Variants in RBFOX3 observed in about 807,000 individuals in gnomAD.
RBFOX3 encodes the protein RNA binding fox-1 homolog 3.
Under a neutral mutation model 48.7 loss-of-function variants are expected in RBFOX3, and 17 were observed. The observed-to-expected ratio is 0.35, with a 90% CI of 0.24 to 0.52. The LOEUF (loss-of-function observed/expected upper bound fraction) is 0.52. RBFOX3 is among the 20% of genes least tolerant of loss of function. RBFOX3 has a pLI of 0.94. For missense variants in RBFOX3, 382 were observed against 497.5 expected, an observed-to-expected ratio of 0.77 and a Z score of 2.21; for synonymous variants, 212 against 209.5, an observed-to-expected ratio of 1.01 and a Z score of -0.10.
At chr17:79,396,679 G>A (rs1227918713) in intron 2 of RBFOX3, among the ~76,000 whole-genome samples, 2 of 152,242 alleles carry the variant, frequency 1.3e-5, no homozygotes, top group Non-Finnish European at 2.9e-5. Context: ...TCATTGTCCA[G>A]CTGGCCTGGG....
At chr17:79,377,909 G>A (rs553544249) in intron 2 of RBFOX3, among the ~76,000 whole-genome samples, 77 of 152,172 alleles carry the variant, frequency 5.1e-4, no homozygotes, top group Admixed American at 2.6e-3. Context: ...GCATATCTCC[G>A]TCAGGCCCAG....
intron 4 of RBFOX3, among the ~76,000 whole-genome samples, chr17:79,201,449 GC>G (rs2056745016): frequency 8.0e-6 from 1 of 125,162 alleles, no homozygotes; most frequent in Non-Finnish European, 1.9e-5. Flanking sequence ...CTCAGGGAGG[GC>G]TTTCCAGGGC....
rs1361258520 is a variant in RBFOX3 at position 79,334,657 on chromosome 17, G to A, written c.-174-26833C>T. Among the ~76,000 whole-genome samples the A allele has an allele frequency of 2.0e-5, 3 of 152,192 alleles. No individual in the cohort carries two copies. The East Asian group carries it at 5.8e-4, about 29-fold the overall frequency. ...CCCATCTGTGAGGCCTACAGTTTAG[G>A]AGCCTAGGTCTGCAGGCCCAAGACT... On this transcript the variant is annotated intron_variant, in intron 2 of 14. Transcript: ENST00000693108.
intron 2 of RBFOX3, among the ~76,000 whole-genome samples, chr17:79,354,648 C>T (rs988144269): frequency 3.3e-5 from 5 of 152,244 alleles, no homozygotes; most frequent in East Asian, 1.9e-4. Context: ...GCGCGTTCAG[C>T]GCAAGCCAGG....
At chr17:79,656,736 AAGAAAGAAAGAAAGAAGGAAG>A in the RBFOX3 span, among the ~76,000 whole-genome samples, 1 of 96,036 alleles carries the variant, frequency 1.0e-5, no homozygotes, top group Non-Finnish European at 2.2e-5. Context: ...AAAGAAAGAA[AAGAAAGAAAGAAAGAAGGAAG>A]GAAGGAAGGA....
intron 4 of RBFOX3, among the ~76,000 whole-genome samples, chr17:79,137,043 C>T (rs1328913291): frequency 6.6e-6 from 1 of 152,174 alleles, no homozygotes; most frequent in Non-Finnish European, 1.5e-5. Context: ...TCCCAGAGGT[C>T]CAGGCCCTCC....
In RBFOX3 at chr17:79,146,422, C is replaced by T. The variant is rs572643442; in HGVS notation, c.-33-30674G>A. Among the ~76,000 whole-genome samples the T allele has an allele frequency of 2.5e-4, 38 of 152,338 alleles. No homozygotes were observed. In the South Asian group the frequency reaches 2.7e-3, roughly 11 times the overall value. On this transcript the variant is annotated intron_variant, in intron 4 of 14. Transcript: ENST00000693108. Reference sequence around the variant, plus strand: ...ATTAGACCGAGTCTGCAAGAGGGTACGTGACTCCATCCTAAATGGGTGTTG... The same window carrying T: ...ATTAGACCGAGTCTGCAAGAGGGTATGTGACTCCATCCTAAATGGGTGTTG...
intron 3 of RBFOX3, among the ~76,000 whole-genome samples, chr17:79,268,656 C>G (rs994044282): frequency 2.6e-5 from 4 of 152,202 alleles, no homozygotes; most frequent in African/African-American, 9.7e-5. Context: ...CACACTCATG[C>G]CCTGGCTGAC....
intron 9 of RBFOX3, chr17:79,100,352 G>A (rs16971981): frequency 0.016 from 2,380 of 152,304 alleles, 46 homozygotes; most frequent in Non-Finnish European, 0.021. Context: ...GGACGCACTC[G>A]GGATGCTTGC....
rs145415735 is a variant in RBFOX3, at chr17:79,316,617, C to G, written c.-174-8793G>C. 3.3e-5 allele frequency among the ~76,000 whole-genome samples: 5 copies of G among 152,358 alleles called. No individual in the cohort carries two copies. In the East Asian group the frequency reaches 7.7e-4, roughly 23 times the overall value. On this transcript the variant is annotated intron_variant, in intron 2 of 14. Coordinates refer to ENST00000693108, the MANE Select transcript of RBFOX3 (RefSeq NM_001350451.2). Reference sequence around the variant, plus strand: ...TGTCCTTCCTCCCAGAGCCCCTCCCCACAAGGCCACCACGGCCCCAGACCC... The same window carrying G: ...TGTCCTTCCTCCCAGAGCCCCTCCCGACAAGGCCACCACGGCCCCAGACCC...
chr17:79,381,259 CAAAA>C (rs35928942), intron 2 of RBFOX3, among the ~76,000 whole-genome samples: 69 of 146,518 alleles, frequency 4.7e-4, no homozygotes, highest in South Asian at 8.7e-4. Flanking sequence ...GACTCTGTCT[CAAAA>C]AAAAAAAAAA....
intron 4 of RBFOX3, among the ~76,000 whole-genome samples, chr17:79,215,167 G>C (rs1392343099): frequency 6.6e-6 from 1 of 152,214 alleles, no homozygotes; most frequent in East Asian, 1.9e-4. Flanking sequence ...GGAAGTGGGA[G>C]GGAGGTGCTG....
intron 4 of RBFOX3, among the ~76,000 whole-genome samples, chr17:79,117,291 C>T (rs1427402469): frequency 6.6e-6 from 1 of 152,214 alleles, no homozygotes; most frequent in East Asian, 1.9e-4. Context: ...CGCTCAGCCA[C>T]CCTGGCAGGG....
At chr17:79,155,038 AG>A (rs902330953) in intron 4 of RBFOX3, among the ~76,000 whole-genome samples, 1 of 136,470 alleles carries the variant, frequency 7.3e-6, no homozygotes, top group East Asian at 2.5e-4. Flanking sequence ...TGGGTGGGGG[AG>A]GGGGCAGTGG....
the RBFOX3 span, among the ~76,000 whole-genome samples, chr17:79,642,616 T>C: frequency 1.3e-5 from 2 of 151,902 alleles, no homozygotes; most frequent in African/African-American, 2.4e-5. Flanking sequence ...GGGCTTATTA[T>C]AGGGAAAAAA....
intron 2 of RBFOX3, among the ~76,000 whole-genome samples, chr17:79,476,984 G>A (rs2077876737): frequency 6.6e-6 from 1 of 152,118 alleles, no homozygotes; most frequent in Admixed American, 6.5e-5. Context: ...TGTAACCCCA[G>A]CACTTTGGGA....
At chr17:79,258,822 G>A (rs1283855206) in intron 3 of RBFOX3, among the ~76,000 whole-genome samples, 5 of 152,156 alleles carry the variant, frequency 3.3e-5, no homozygotes, top group East Asian at 1.9e-4. Flanking sequence ...CTGCTCTGCC[G>A]ATGACAGAGA....
chr17:79,372,776 G>T (rs553160474), intron 2 of RBFOX3, among the ~76,000 whole-genome samples: 1 of 152,348 alleles, frequency 6.6e-6, no homozygotes, highest in Admixed American at 6.5e-5. Context: ...CTTTGCGTGG[G>T]CATCAGGAGG....
At chr17:79,538,259 C>G (rs1166813830) in intron 1 of RBFOX3, among the ~76,000 whole-genome samples, 1 of 152,234 alleles carries the variant, frequency 6.6e-6, no homozygotes, top group Non-Finnish European at 1.5e-5. Context: ...TCAGGAGCAT[C>G]TGTGTGTGCC....
Sources: allele counts gnomAD v4.1 joint callset (sites outside exome capture counted in the v4.1 genomes callset), GRCh38; gene constraint gnomAD v4.1.1; transcripts MANE v1.5; gene names NCBI Gene and HGNC (gene_info 2026-07-23, HGNC 2026-07-21).